The following ADAT1 variants were observed in gnomAD, a reference collection of about 807,000 sequenced individuals.
ADAT1 encodes tRNA-specific adenosine deaminase 1.
In ADAT1, 58 loss-of-function variants were observed where a neutral mutation model predicts 58.6. The ratio of observed to expected loss-of-function variants is 0.99; its 90% confidence interval spans 0.80 to 1.23. ADAT1 has a LOEUF of 1.23. Among genes scored for constraint, ADAT1 ranks in the 50% most tolerant of loss-of-function variants. The pLI, the probability that ADAT1 is intolerant of heterozygous loss-of-function variation, is 0.00. For synonymous variants in ADAT1, 254 were observed against 220.8 expected (o/e 1.15, Z -1.33); for missense variants, 741 against 608.6 (o/e 1.22, Z -2.29).
chr16:75,613,205 G>A (rs1430423876), intron 5 of ADAT1, among the ~76,000 whole-genome samples: 1 of 152,184 alleles, frequency 6.6e-6, no homozygotes, highest in Non-Finnish European at 1.5e-5. Flanking sequence ...CTGGAGAAGG[G>A]CATGCAAAAT....
intron 8 of ADAT1, 140 bp downstream of exon 8, chr16:75,608,084 G>T: frequency 1.5e-6 from 1 of 668,644 alleles, no homozygotes; most frequent in Non-Finnish European, 2.6e-6. Flanking sequence ...GGTTTCCAAG[G>T]GATGAGGAGA....
intron 9 of ADAT1, 145 bp from the exon 10 acceptor site, chr16:75,600,493 C>T: frequency 1.5e-6 from 2 of 1,349,948 alleles, no homozygotes; most frequent in Non-Finnish European, 9.9e-7. Flanking sequence ...GAAAGTTGAT[C>T]ATACAAACTA....
chr16:75,618,461 A>C (rs138033682), intron 4 of ADAT1, 125 bp downstream of exon 4: 53,206 of 523,004 alleles, frequency 0.1, 3,056 homozygotes, highest in Non-Finnish European at 0.12. Context: ...AGCTGAGATC[A>C]TGCCACTGCA....
In ADAT1 at chr16:75,620,143, T is replaced by C. The variant is rs2081884402; in HGVS notation, c.238+123A>G. The stretch of plus-strand genomic sequence containing the variant: ...AGTACGGTCCTTCCAACTGGACTGA[T>C]AGTCAGTAGGAAACAAATGCCATGC... On this transcript the variant is annotated intron_variant, in intron 3 of 9. Transcript: ENST00000564657. The C allele has an allele frequency of 2.2e-5, 20 of 916,780 alleles. 1 individual carries two copies. The highest frequency in any genetic ancestry group is 2.1e-4 in the South Asian group (15 of 70,326). The allele number at this position is 916,780 out of a possible 1,614,324, so 56.8% of individuals were successfully genotyped here.
At chr16:75,610,829 G>A (rs1441715675) in intron 6 of ADAT1, among the ~76,000 whole-genome samples, 1 of 152,122 alleles carries the variant, frequency 6.6e-6, no homozygotes, top group Non-Finnish European at 1.5e-5. Context: ...CTAATGTTTA[G>A]GGCTGGGTGA....
chr16:75,620,367 A>T (rs201567839), intron 2 of ADAT1, 33 bp from the exon 3 acceptor site: 2 of 1,610,154 alleles, frequency 1.2e-6, no homozygotes, highest in East Asian at 4.5e-5. Flanking sequence ...GTGAGTTCTG[A>T]GAAACGGAAT....
At chr16:75,602,319 G>A (rs918951380) in intron 9 of ADAT1, among the ~76,000 whole-genome samples, 1 of 152,236 alleles carries the variant, frequency 6.6e-6, no homozygotes, top group Non-Finnish European at 1.5e-5. Flanking sequence ...GATATGTCCT[G>A]AGGACATGGA....
chr16:75,609,157 C>G (rs1029217324), intron 6 of ADAT1, among the ~76,000 whole-genome samples, 169 bp from the exon 7 acceptor site: 2 of 152,112 alleles, frequency 1.3e-5, no homozygotes, highest in African/African-American at 2.4e-5. Flanking sequence ...CACCTCATGG[C>G]TGGAAGAAGA....
intron 3 of ADAT1, among the ~76,000 whole-genome samples, chr16:75,619,400 T>G (rs1597141357): frequency 6.6e-6 from 1 of 151,864 alleles, no homozygotes; most frequent in African/African-American, 2.4e-5. Context: ...TAGGTGTGCA[T>G]AGCTGTGCAC....
rs985393718 is a variant in ADAT1 at position 75,597,647 on chromosome 16, T to G, written c.*2569A>C. Reference sequence around the variant, plus strand: ...AATAATTATACAACTCACCATAAGGTAGAATCAGTAGGAGCCCTGAGCTTG... The same window carrying G: ...AATAATTATACAACTCACCATAAGGGAGAATCAGTAGGAGCCCTGAGCTTG... On this transcript the variant is annotated 3_prime_UTR_variant, in exon 10 of 10. Transcript: ENST00000564657. Among the ~76,000 whole-genome samples the G allele has an allele frequency of 1.3e-5, 2 of 152,140 alleles. No individual in the cohort carries two copies. The highest frequency in any genetic ancestry group is 3.9e-4 in the East Asian group (2 of 5,194).
chr16:75,620,519 A>T (rs1008155704), intron 2 of ADAT1, 112 bp downstream of exon 2: 1 of 1,434,808 alleles, frequency 7.0e-7, no homozygotes, highest in East Asian at 2.3e-5. Flanking sequence ...ACAAGCACAT[A>T]TGCCTAACAT....
At chr16:75,608,383 A>G in intron 7 of ADAT1, 60 bp from the exon 8 acceptor site, 1 of 1,390,140 alleles carries the variant, frequency 7.2e-7, no homozygotes, top group Middle Eastern at 1.8e-4. Flanking sequence ...AGTCAGAAGT[A>G]TTTTAATAAA....
At chr16:75,604,474 TACAC>T (rs373687206) in intron 8 of ADAT1, among the ~76,000 whole-genome samples, 3,259 of 53,788 alleles carry the variant, frequency 0.061, 118 homozygotes, top group Middle Eastern at 0.075. Context: ...TATATATATA[TACAC>T]ACACACACAC....
chr16:75,622,192 T>C (rs1008026022), intron 1 of ADAT1, among the ~76,000 whole-genome samples: 3 of 152,154 alleles, frequency 2.0e-5, no homozygotes, highest in African/African-American at 7.2e-5. Flanking sequence ...TGCATGCAGC[T>C]TTTGAAAGAT....
At chr16:75,605,531 G>A (rs1264485156) in intron 8 of ADAT1, among the ~76,000 whole-genome samples, 1 of 152,090 alleles carries the variant, frequency 6.6e-6, no homozygotes, top group African/African-American at 2.4e-5. Flanking sequence ...TGATGTTTTT[G>A]CAGAGCCAAA....
chr16:75,617,265 G>C lies in ADAT1; in HGVS notation c.301C>G (p.Leu101Val). 6.2e-7 allele frequency: 1 copy of C among 1,613,484 alleles called. No homozygotes were observed. Among genetic ancestry groups the C allele is most frequent in the Non-Finnish European group, 8.5e-7 (1 of 1,179,446 alleles). ...IARRSFQRYLLHQLQLAATLK... is the reference protein window; with the variant it reads ...IARRSFQRYLVHQLQLAATLK... ...GTGGCTGCCAACTGGAGTTGGTGGAGAAGGTACCTAAGGGTTGCAAGATGT... is the reference window on the plus strand; with the variant it reads ...GTGGCTGCCAACTGGAGTTGGTGGACAAGGTACCTAAGGGTTGCAAGATGT... Residue 101 changes from leucine (L) to valine (V), a missense_variant, in exon 5 of 10, where the codon CTC (leucine) becomes GTC (valine). Transcript: ENST00000564657.
chr16:75,604,468 T>TAA (rs2081314227), intron 8 of ADAT1, among the ~76,000 whole-genome samples: 1 of 66,842 alleles, frequency 1.5e-5, no homozygotes, highest in Admixed American at 2.4e-4. Context: ...TATATATATA[T>TAA]ATATATACAC....
chr16:75,607,729 A>G (rs1008399643), intron 8 of ADAT1, among the ~76,000 whole-genome samples: 1 of 152,182 alleles, frequency 6.6e-6, no homozygotes, highest in African/African-American at 2.4e-5. Context: ...ACTCCTAGGT[A>G]TACCCAAGAA....
At chr16:75,608,739 G>C in intron 7 of ADAT1, 104 bp downstream of exon 7, 1 of 1,403,836 alleles carries the variant, frequency 7.1e-7, no homozygotes, top group Non-Finnish European at 9.6e-7. Context: ...CCGGCCACTA[G>C]AGTGGTGAAC....
Sources: gnomAD v4.1 joint callset for allele counts (sites outside exome capture counted in the v4.1 genomes callset) on GRCh38, gnomAD v4.1.1 for gene constraint, MANE v1.5 for transcripts, NCBI Gene and HGNC (gene_info 2026-07-23, HGNC 2026-07-21) for gene names.